ZKSCAN7: variants seen among roughly 807,000 people sequenced by gnomAD.
ZKSCAN7 encodes the protein zinc finger protein with KRAB and SCAN domains 7.
ZKSCAN7 carries 38 observed loss-of-function variants against 65.3 expected under a neutral mutation model. The observed-to-expected ratio is 0.58, with a 90% CI of 0.45 to 0.76. The LOEUF is 0.76. Among genes scored for constraint, ZKSCAN7 ranks in the 30% least tolerant of loss-of-function variants. The pLI, the probability that ZKSCAN7 is intolerant of heterozygous loss-of-function variation, is 0.00. For missense variants in ZKSCAN7, 815 were observed against 913.3 expected, an observed-to-expected ratio of 0.89 and a Z score of 1.39; for synonymous variants, 321 against 321.0, an observed-to-expected ratio of 1.00 and a Z score of 0.00.
At chr3:44,580,924 T>C (rs1700062676) in intron 5 of ZKSCAN7, 1 of 1,613,000 alleles carries the variant, frequency 6.2e-7, no homozygotes, top group East Asian at 2.2e-5. Context: ...TCCTCGTCGT[T>C]GAGGAGATGC....
chr3:44,577,988 A>T (rs1052799084), intron 5 of ZKSCAN7, among the ~76,000 whole-genome samples: 2 of 151,980 alleles, frequency 1.3e-5, no homozygotes, highest in Non-Finnish European at 2.9e-5. Context: ...CTTCCTTCAG[A>T]CTCTTGGACC....
At chr3:44,578,523 C>T (rs1180636027) in intron 5 of ZKSCAN7, among the ~76,000 whole-genome samples, 1 of 152,198 alleles carries the variant, frequency 6.6e-6, no homozygotes, top group Non-Finnish European at 1.5e-5. Context: ...AGCGCCTGGG[C>T]CAGATGGGCA....
At chr3:44,583,082 A>G (rs940323213) in exon 6 of ZKSCAN7, 1 of 353,092 alleles carries the variant, frequency 2.8e-6, no homozygotes, top group African/African-American at 2.2e-5. Flanking sequence ...GCCTGCCACC[A>G]TGCCCAGCTA....
chr3:44,560,439 G>T (rs569876134), intron 2 of ZKSCAN7, among the ~76,000 whole-genome samples: 1 of 151,658 alleles, frequency 6.6e-6, no homozygotes, highest in Non-Finnish European at 1.5e-5. Context: ...GCTGGGAAAG[G>T]TTTGTATAGT....
chr3:44,569,141 G>A (rs189150371), intron 5 of ZKSCAN7, among the ~76,000 whole-genome samples: 1 of 152,316 alleles, frequency 6.6e-6, no homozygotes, highest in East Asian at 1.9e-4. Flanking sequence ...ACAGGGGTTT[G>A]GCCCAGGCCA....
Position 44,557,272 on chromosome 3 carries a change from T to A in ZKSCAN7, c.225T>A (p.Leu75=), listed in dbSNP as rs751982033. The change falls in exon 2 of 6, where the codon CTT becomes CTA. Residue 75 remains leucine (L), a synonymous_variant. Transcript: ENST00000426540. ...GGCCGCAGGAAGCATTGAGCCGGCT[T>A]CGGGAGCTCTGCCGCTGGTGGCTCA... ...MSGPQEALSR[L]RELCRWWLMP... 1.2e-6 allele frequency: 2 copies of A among 1,614,152 alleles called. No individual in the cohort carries two copies. The highest frequency in any genetic ancestry group is 1.7e-6 in the Non-Finnish European group (2 of 1,180,050).
intron 5 of ZKSCAN7, chr3:44,580,598 C>T: frequency 1.2e-6 from 2 of 1,613,924 alleles, no homozygotes; most frequent in South Asian, 2.2e-5. Flanking sequence ...CCATGAGCAT[C>T]TCCAGCCACC....
At chr3:44,565,769 C>T in intron 3 of ZKSCAN7, 114 bp downstream of exon 3, 3 of 1,125,628 alleles carry the variant, frequency 2.7e-6, no homozygotes, top group Non-Finnish European at 3.6e-6. Flanking sequence ...GCTCTGCTGT[C>T]TGTCCTTCTT....
At chr3:44,556,119 T>C (rs907252859) in intron 1 of ZKSCAN7, among the ~76,000 whole-genome samples, 5 of 152,180 alleles carry the variant, frequency 3.3e-5, no homozygotes, top group African/African-American at 1.2e-4. Flanking sequence ...TCAGGAAGGC[T>C]TTCTAGGGGA....
chr3:44,576,671 A>G (rs1471458711), downstream of ZKSCAN7, among the ~76,000 whole-genome samples: 1 of 152,216 alleles, frequency 6.6e-6, no homozygotes, highest in Non-Finnish European at 1.5e-5. Flanking sequence ...CATTCCAAGT[A>G]GGTGCTATTA....
chr3:44,579,448 G>A (rs527629144), intron 5 of ZKSCAN7, among the ~76,000 whole-genome samples: 1 of 152,304 alleles, frequency 6.6e-6, no homozygotes, highest in African/African-American at 2.4e-5. Flanking sequence ...CCCACGTGCG[G>A]CTCCTCTTCT....
chr3:44,572,951 T>C (rs1463342096), downstream of ZKSCAN7, among the ~76,000 whole-genome samples: 1 of 151,910 alleles, frequency 6.6e-6, no homozygotes, highest in Non-Finnish European at 1.5e-5. Flanking sequence ...GCTAGCAGCA[T>C]TCCCTGATGC....
chr3:44,565,808 T>G (rs1303995174), intron 3 of ZKSCAN7, among the ~76,000 whole-genome samples, 153 bp downstream of exon 3: 1 of 152,248 alleles, frequency 6.6e-6, no homozygotes, highest in African/African-American at 2.4e-5. Context: ...TTCCTTTTGC[T>G]TATTCTCTAA....
chr3:44,572,081 G>T lies in ZKSCAN7; in HGVS notation c.*706G>T. ...ACCAACTTATTGTAGGCTCTTTGAG[G>T]TCAGGTATGTATTTCTTTCCCATAT... On this transcript the variant is annotated 3_prime_UTR_variant, in exon 6 of 6. Transcript: ENST00000426540. 1 of 984,306 alleles carries T rather than the reference G, an allele frequency of 1.0e-6. No homozygotes were observed. The highest frequency in any genetic ancestry group is 1.2e-6 in the Non-Finnish European group (1 of 828,994). 61.0% of individuals were successfully genotyped at this position (984,306 alleles called of 1,614,324 possible). A position where few individuals can be genotyped will look rare whatever the true frequency, so the allele number is the denominator to read the frequency against.
chr3:44,564,368 C>G (rs1247332707), intron 2 of ZKSCAN7, among the ~76,000 whole-genome samples: 1 of 152,096 alleles, frequency 6.6e-6, no homozygotes, highest in Non-Finnish European at 1.5e-5. Context: ...AGTCTTTTAG[C>G]AAAATATCAA....
chr3:44,567,237 A>AGGAGG (rs896811635), intron 3 of ZKSCAN7, among the ~76,000 whole-genome samples: 1 of 151,984 alleles, frequency 6.6e-6, no homozygotes, highest in Non-Finnish European at 1.5e-5. Flanking sequence ...AAAGGAAAAG[A>AGGAGG]GGAGGGGAAG....
Position 44,578,344 on chromosome 3 carries a change from C to T in ZKSCAN7, c.812-4628C>T, listed in dbSNP as rs1699971062. Reference sequence around the variant, plus strand: ...ATAAGACTTCTAGTTCATAGGCATCCTTGCCCTGTGCAAGGGGTGACCCAG... The same window carrying T: ...ATAAGACTTCTAGTTCATAGGCATCTTTGCCCTGTGCAAGGGGTGACCCAG... On this transcript the variant is annotated intron_variant, in intron 5 of 5. Coordinates refer to the ZKSCAN7 transcript ENST00000341840. 5 of 1,603,352 alleles carry T rather than the reference C, an allele frequency of 3.1e-6. No homozygotes were observed. The African/African-American group carries it at 5.4e-5, about 17-fold the overall frequency.
chr3:44,581,251 G>T (rs945575576), intron 5 of ZKSCAN7, among the ~76,000 whole-genome samples: 20 of 148,354 alleles, frequency 1.3e-4, no homozygotes, highest in Admixed American at 3.4e-4. Flanking sequence ...CCGCCCAGCC[G>T]CCGTGGGCCC....
At chr3:44,558,295 G>T (rs547301592) in intron 2 of ZKSCAN7, among the ~76,000 whole-genome samples, 1 of 152,018 alleles carries the variant, frequency 6.6e-6, no homozygotes, top group East Asian at 1.9e-4. Context: ...GAGGCCGAAG[G>T]GGGTGGATCA....
Sources: gnomAD v4.1 joint callset for allele counts (sites outside exome capture counted in the v4.1 genomes callset) on GRCh38, gnomAD v4.1.1 for gene constraint, MANE v1.5 for transcripts, NCBI Gene and HGNC (gene_info 2026-07-23, HGNC 2026-07-21) for gene names.